TMX3: variants seen among roughly 807,000 people sequenced by gnomAD.
The protein encoded by TMX3 is protein disulfide-isomerase TMX3.
TMX3 carries 40 observed loss-of-function variants against 64.4 expected under a neutral mutation model. The ratio of observed to expected loss-of-function variants is 0.62; its 90% CI spans 0.48 to 0.81. The LOEUF is 0.81. Ranked by LOEUF, TMX3 falls within the 30% of genes least tolerant of loss-of-function variation. The pLI is 0.00. For missense variants in TMX3, 497 were observed against 534.5 expected (o/e 0.93, Z 0.69); for synonymous variants, 189 against 175.7 (o/e 1.08, Z -0.60).
Position 68,675,188 on chromosome 18 carries a change from T to C in TMX3, c.*1745A>G, listed in dbSNP as rs1190233554. On this transcript the variant is annotated 3_prime_UTR_variant, in exon 16 of 16. Coordinates refer to ENST00000299608, the MANE Select transcript of TMX3 (RefSeq NM_019022.5). The stretch of plus-strand genomic sequence containing the variant: ...ACTACTGCAAAACAAGCTTGACTAT[T>C]GGGAACATTAACATTTATCTTCCCA... 6.6e-6 allele frequency: 1 copy of C among 152,126 alleles called. No homozygotes were observed. The highest frequency in any genetic ancestry group is 1.9e-4 in the East Asian group (1 of 5,186). The allele number at this position is 152,126 out of a possible 1,614,324, so 9.4% of individuals were successfully genotyped here. A position where few individuals can be genotyped will look rare whatever the true frequency, so the allele number is the denominator to read the frequency against.
intron 1 of TMX3, among the ~76,000 whole-genome samples, 188 bp downstream of exon 1, chr18:68,714,748 C>A (rs1568210889): frequency 6.6e-6 from 1 of 152,364 alleles, no homozygotes; most frequent in East Asian, 1.9e-4. Context: ...GGCGGAAGGA[C>A]CCCAAGGTGT....
chr18:68,674,580 A>T lies in TMX3; in HGVS notation c.*2353T>A, dbSNP rs1046047335. The T allele has an allele frequency of 6.6e-6, 1 of 152,094 alleles. No individual in the cohort carries two copies. The highest frequency in any genetic ancestry group is 1.5e-5 in the Non-Finnish European group (1 of 67,970). The allele number at this position is 152,094 out of a possible 1,614,324, so 9.4% of individuals were successfully genotyped here. On this transcript the variant is annotated 3_prime_UTR_variant, in exon 16 of 16. Transcript: ENST00000299608. ...TTCCACTAGATTCACTTATTAAGAG[A>T]TCTGTCTTTATATGGAAGTAATGTT...
chr18:68,696,356 T>C (rs200008261), intron 8 of TMX3, among the ~76,000 whole-genome samples: 1 of 152,054 alleles, frequency 6.6e-6, no homozygotes, highest in Non-Finnish European at 1.5e-5. Flanking sequence ...GTATTTTTAG[T>C]AGAGATGGAG....
chr18:68,702,399 CAT>C lies in TMX3; in HGVS notation c.266-611_266-610del, dbSNP rs751027505. Among the ~76,000 whole-genome samples the C allele has an allele frequency of 1.3e-4, 20 of 152,120 alleles. No individual in the cohort carries two copies. In the South Asian group the frequency reaches 1.5e-3, roughly 11 times the overall value. On this transcript the variant is annotated intron_variant, in intron 4 of 15. Transcript: ENST00000299608. ...CTCAAAGATTATTCTGAAATCCTCA[CAT>C]GAATTAAAATGAGAATAGTTGCTAC...
At position 68,715,022 on chromosome 18, in the gene TMX3, G is replaced by C. The variant is rs766185629; in HGVS notation, c.-41C>G. 1.3e-6 allele frequency: 2 copies of C among 1,555,186 alleles called. No homozygotes were observed. The highest frequency in any genetic ancestry group is 1.9e-5 in the Admixed American group (1 of 51,664). Reference sequence around the variant, plus strand: ...CTGCAGAAGCTGACTGTGCAAAAGAGGGATAAAGACACTGGGGTCCGCCGC... The same window carrying C: ...CTGCAGAAGCTGACTGTGCAAAAGACGGATAAAGACACTGGGGTCCGCCGC... On this transcript the variant is annotated 5_prime_UTR_variant, in exon 1 of 16. Coordinates refer to ENST00000299608, the MANE Select transcript of TMX3 (RefSeq NM_019022.5).
intron 9 of TMX3, chr18:68,689,202 T>C (rs759480139): frequency 4.6e-5 from 7 of 152,216 alleles, no homozygotes; most frequent in Non-Finnish European, 8.8e-5. Flanking sequence ...TAAATACTAC[T>C]GCAGGTTAGA....
chr18:68,712,382 T>A (rs1421869136), intron 2 of TMX3, among the ~76,000 whole-genome samples: 1 of 152,176 alleles, frequency 6.6e-6, no homozygotes, highest in Non-Finnish European at 1.5e-5. Context: ...TGTTATGGTG[T>A]CTTCTCACAA....
chr18:68,677,280 T>C, intron 15 of TMX3, 87 bp from the exon 16 acceptor site: 2 of 1,417,542 alleles, frequency 1.4e-6, no homozygotes, highest in Non-Finnish European at 1.9e-6. Context: ...ACTATAGATT[T>C]CTCTTGTTGC....
At chr18:68,686,078 G>A (rs309217) in intron 10 of TMX3, among the ~76,000 whole-genome samples, 20,169 of 152,058 alleles carry the variant, frequency 0.13, 4,014 homozygotes, top group African/African-American at 0.43. Context: ...GAGGCTGGAG[G>A]TGTAGGCAAG....
intron 12 of TMX3, among the ~76,000 whole-genome samples, chr18:68,683,395 A>C (rs1312356632): frequency 6.6e-6 from 1 of 152,174 alleles, no homozygotes; most frequent in Non-Finnish European, 1.5e-5. Context: ...TAGGAAAGAA[A>C]TAATAATTCA....
At chr18:68,684,267 T>G (rs1425205922) in intron 11 of TMX3, 24 bp from the exon 12 acceptor site, 1 of 1,595,312 alleles carries the variant, frequency 6.3e-7, no homozygotes, top group African/African-American at 1.3e-5. Context: ...AACATATGAA[T>G]AGTTCATCTC....
At chr18:68,687,334 T>A (rs1914063162) in intron 10 of TMX3, 6 of 985,432 alleles carry the variant, frequency 6.1e-6, no homozygotes, top group Non-Finnish European at 7.2e-6. Context: ...AAATAGGTTG[T>A]GCTAAGTTTT....
Position 68,674,737 on chromosome 18 carries a change from A to G in TMX3, c.*2196T>C, listed in dbSNP as rs930411097. 1 of 152,056 alleles carries G rather than the reference A, an allele frequency of 6.6e-6. No homozygotes were observed. The highest frequency in any genetic ancestry group is 1.5e-5 in the Non-Finnish European group (1 of 67,954). The allele number at this position is 152,056 out of a possible 1,614,324, so 9.4% of individuals were successfully genotyped here. On this transcript the variant is annotated 3_prime_UTR_variant, in exon 16 of 16. Transcript: ENST00000299608. ...TAAATAAACATCTCCCAAAGTAGAGAAAAAAACAAAATTTTAATACAAGAA... is the reference window on the plus strand; with the variant it reads ...TAAATAAACATCTCCCAAAGTAGAGGAAAAAACAAAATTTTAATACAAGAA...
intron 10 of TMX3, chr18:68,686,982 A>C: frequency 1.0e-6 from 1 of 983,436 alleles, no homozygotes; most frequent in African/African-American, 1.7e-5. Flanking sequence ...TTACATTAAA[A>C]AAAAATAAGT....
intron 13 of TMX3, among the ~76,000 whole-genome samples, chr18:68,681,839 C>G (rs1385735568): frequency 1.3e-5 from 2 of 152,150 alleles, no homozygotes; most frequent in African/African-American, 4.8e-5. Context: ...AGTGAGATTT[C>G]CCCATCTTCA....
intron 4 of TMX3, among the ~76,000 whole-genome samples, chr18:68,708,065 A>T (rs1039976069): frequency 1.1e-4 from 16 of 149,144 alleles, no homozygotes; most frequent in African/African-American, 4.0e-4. Flanking sequence ...GTGTATATAT[A>T]TGTGTATATG....
chr18:68,687,305 A>G, intron 10 of TMX3: 1 of 985,418 alleles, frequency 1.0e-6, no homozygotes, highest in Non-Finnish European at 1.2e-6. Context: ...TCCCTTTCAC[A>G]GGTAAAAGCA....
intron 3 of TMX3, 37 bp downstream of exon 3, chr18:68,711,327 G>C: frequency 6.6e-7 from 1 of 1,514,292 alleles, no homozygotes; most frequent in South Asian, 1.2e-5. Context: ...TAAAATGGTA[G>C]GGGTGGGTAA....
At chr18:68,693,074 G>T (rs575332620) in intron 8 of TMX3, among the ~76,000 whole-genome samples, 1 of 152,316 alleles carries the variant, frequency 6.6e-6, no homozygotes, top group East Asian at 1.9e-4. Flanking sequence ...TGTATAAGAA[G>T]TTCAGATTCT....
Sources: gnomAD v4.1 joint callset for allele counts (sites outside exome capture counted in the v4.1 genomes callset) on GRCh38, gnomAD v4.1.1 for gene constraint, MANE v1.5 for transcripts, NCBI Gene and HGNC (gene_info 2026-07-23, HGNC 2026-07-21) for gene names.